ATXN7L1: variants seen among roughly 807,000 people sequenced by gnomAD.
ATXN7L1 encodes the protein ataxin 7 like 1.
ATXN7L1 carries 15 observed loss-of-function variants against 70.8 expected under a neutral mutation model. The observed-to-expected ratio is 0.21, with a 90% CI of 0.14 to 0.33. The LOEUF (loss-of-function observed/expected upper bound fraction) is 0.33. Among genes scored for constraint, ATXN7L1 ranks in the 10% least tolerant of loss-of-function variants. The pLI, the probability that ATXN7L1 is intolerant of heterozygous loss-of-function variation, is 1.00. For synonymous variants in ATXN7L1, 440 were observed against 445.1 expected, an observed-to-expected ratio of 0.99 and a Z score of 0.14; for missense variants, 975 against 1,097.1, an observed-to-expected ratio of 0.89 and a Z score of 1.57.
intron 3 of ATXN7L1, among the ~76,000 whole-genome samples, chr7:105,715,878 C>T (rs1198679612): frequency 6.6e-6 from 1 of 152,182 alleles, no homozygotes; most frequent in African/African-American, 2.4e-5. Flanking sequence ...CATTTCTGGG[C>T]ATATGGATAC....
intron 3 of ATXN7L1, among the ~76,000 whole-genome samples, chr7:105,710,712 C>A (rs534255485): frequency 2.0e-5 from 3 of 152,256 alleles, no homozygotes; most frequent in Admixed American, 6.5e-5. Flanking sequence ...CACTTTTAAA[C>A]CATCTTTTTG....
At chr7:105,625,073 A>G (rs1795500987) in intron 7 of ATXN7L1, among the ~76,000 whole-genome samples, 1 of 152,194 alleles carries the variant, frequency 6.6e-6, no homozygotes, top group Non-Finnish European at 1.5e-5. Flanking sequence ...AGTCCTATGC[A>G]TACGTTCTTT....
chr7:105,641,488 C>A (rs1357487252), intron 5 of ATXN7L1, among the ~76,000 whole-genome samples: 1 of 152,134 alleles, frequency 6.6e-6, no homozygotes, highest in Non-Finnish European at 1.5e-5. Flanking sequence ...AACAAGACAA[C>A]CCACAAAATG....
At chr7:105,622,880 C>T (rs929394510) in intron 8 of ATXN7L1, among the ~76,000 whole-genome samples, 3 of 152,172 alleles carry the variant, frequency 2.0e-5, no homozygotes, top group Non-Finnish European at 4.4e-5. Flanking sequence ...CAGCAGCTGA[C>T]GTACAGGGAC....
chr7:105,737,644 C>A (rs1371802823), intron 3 of ATXN7L1, among the ~76,000 whole-genome samples: 1 of 151,986 alleles, frequency 6.6e-6, no homozygotes, highest in African/African-American at 2.4e-5. Flanking sequence ...ACCCTCTCCT[C>A]CTTGTGTCCT....
At chr7:105,747,686 C>T (rs1042088736) in intron 3 of ATXN7L1, among the ~76,000 whole-genome samples, 2 of 152,164 alleles carry the variant, frequency 1.3e-5, no homozygotes, top group Non-Finnish European at 2.9e-5. Flanking sequence ...GTCTTGGGGA[C>T]TGAGCCCTCA....
intron 3 of ATXN7L1, among the ~76,000 whole-genome samples, chr7:105,692,540 G>A (rs1362227503): frequency 6.6e-6 from 1 of 150,580 alleles, no homozygotes; most frequent in East Asian, 2.0e-4. Context: ...TCTGCCTCCT[G>A]GGTTCAAGCA....
rs1792694932 is a variant in ATXN7L1 at position 105,605,042 on chromosome 7, C to CTTTTTGT, written c.*2809_*2810insACAAAAA. 1.4e-5 allele frequency: 1 copy of CTTTTTGT among 71,556 alleles called. No homozygotes were observed. The highest frequency in any genetic ancestry group is 5.6e-5 in the African/African-American group (1 of 17,970). 4.4% of individuals were successfully genotyped at this position (71,556 alleles called of 1,614,324 possible). ...GAAGGCATACAAGTTATCCAAGTCG[C>CTTTTTGT]TTTTTTTTTTTTTTTTTTTTTTTTA... On this transcript the variant is annotated 3_prime_UTR_variant, in exon 12 of 12. Transcript: ENST00000419735.
chr7:105,788,517 C>T (rs558600344), intron 3 of ATXN7L1, 87 bp downstream of exon 3: 440 of 1,092,020 alleles, frequency 4.0e-4, no homozygotes, highest in Admixed American at 4.8e-4. Context: ...CAAGACATGG[C>T]GAGACCCTGT....
intron 2 of ATXN7L1, among the ~76,000 whole-genome samples, chr7:105,804,284 T>C (rs971400449): frequency 1.3e-5 from 2 of 152,166 alleles, no homozygotes; most frequent in South Asian, 2.1e-4. Context: ...GGGAAGGGTC[T>C]AGCTGTCTTG....
intron 3 of ATXN7L1, among the ~76,000 whole-genome samples, chr7:105,711,923 A>C (rs997849624): frequency 6.6e-6 from 1 of 152,216 alleles, no homozygotes; most frequent in Non-Finnish European, 1.5e-5. Flanking sequence ...CCTGCAGCAG[A>C]CTTCTGCCTA....
chr7:105,787,258 G>C (rs750447959), intron 3 of ATXN7L1, among the ~76,000 whole-genome samples: 75 of 152,296 alleles, frequency 4.9e-4, no homozygotes, highest in South Asian at 2.5e-3. Flanking sequence ...CCATGGTAGG[G>C]ACAAGGAAAC....
At position 105,875,397 on chromosome 7, in the gene ATXN7L1, C is replaced by T. The variant is rs549479573; in HGVS notation, c.250+415G>A. Among the ~76,000 whole-genome samples the T allele has an allele frequency of 2.6e-5, 4 of 152,278 alleles. No homozygotes were observed. In the East Asian group the frequency reaches 5.8e-4, roughly 22 times the overall value. On this transcript the variant is annotated intron_variant, in intron 2 of 11. Coordinates refer to ENST00000419735, the MANE Select transcript of ATXN7L1 (RefSeq NM_020725.2). ...TTTTCAGTGGTGAGTGGAGAAGTAG[C>T]TGCTGGAATGACTGACCATGTGGGG...
intron 3 of ATXN7L1, among the ~76,000 whole-genome samples, chr7:105,768,917 G>A (rs1281169667): frequency 6.6e-6 from 1 of 152,208 alleles, no homozygotes; most frequent in Non-Finnish European, 1.5e-5. Flanking sequence ...AAGTAAATTT[G>A]CCTCCTGTAC....
intron 2 of ATXN7L1, among the ~76,000 whole-genome samples, chr7:105,828,908 A>G (rs1811220498): frequency 6.6e-6 from 1 of 152,230 alleles, no homozygotes; most frequent in South Asian, 2.1e-4. Flanking sequence ...ATGCAATGAG[A>G]GCTATTTTCT....
chr7:105,858,324 C>T (rs1422518174), intron 2 of ATXN7L1, among the ~76,000 whole-genome samples: 1 of 152,136 alleles, frequency 6.6e-6, no homozygotes, highest in Non-Finnish European at 1.5e-5. Flanking sequence ...TTAACTCTGC[C>T]CTTTTAGGAG....
intron 3 of ATXN7L1, among the ~76,000 whole-genome samples, chr7:105,783,404 C>T (rs1803819367): frequency 6.6e-6 from 1 of 152,080 alleles, no homozygotes. Context: ...CTTCTCAGAC[C>T]CTTGGGATCT....
chr7:105,779,193 C>T (rs527796240), intron 3 of ATXN7L1, among the ~76,000 whole-genome samples: 1 of 152,340 alleles, frequency 6.6e-6, no homozygotes, highest in South Asian at 2.1e-4. Flanking sequence ...GAACAAATTT[C>T]TTAAGTCCTC....
chr7:105,813,411 C>A (rs1239933153), intron 2 of ATXN7L1, among the ~76,000 whole-genome samples: 1 of 145,124 alleles, frequency 6.9e-6, no homozygotes, highest in Admixed American at 7.3e-5. Flanking sequence ...AATCTCAGTT[C>A]AATGCAACCT....
Sources: allele counts gnomAD v4.1 joint callset (sites outside exome capture counted in the v4.1 genomes callset), GRCh38; gene constraint gnomAD v4.1.1; transcripts MANE v1.5; gene names NCBI Gene and HGNC (gene_info 2026-07-23, HGNC 2026-07-21).